PDZRN4: variants seen among roughly 807,000 people sequenced by gnomAD.
The protein encoded by PDZRN4 is PDZ domain containing ring finger 4, also known as PDZ domain-containing RING finger protein 4.
A neutral mutation model predicts 99.0 loss-of-function variants in PDZRN4; 70 were observed. That is an observed-to-expected ratio of 0.71 (90% CI 0.58 to 0.86). PDZRN4 has a LOEUF of 0.86. Ranked by LOEUF, PDZRN4 falls within the 40% of genes least tolerant of loss-of-function variation. The pLI is 0.00. For synonymous variants in PDZRN4, 551 were observed against 501.6 expected, an observed-to-expected ratio of 1.10 and a Z score of -1.32; for missense variants, 1,474 against 1,331.2, an observed-to-expected ratio of 1.11 and a Z score of -1.67.
intron 3 of PDZRN4, among the ~76,000 whole-genome samples, chr12:41,453,639 T>G (rs1401721286): frequency 2.0e-5 from 3 of 152,208 alleles, no homozygotes; most frequent in Non-Finnish European, 4.4e-5. Context: ...GTCCTGTGAC[T>G]AGTGGCTTCA....
chr12:41,443,229 A>G (rs1334710527), intron 3 of PDZRN4, among the ~76,000 whole-genome samples: 1 of 152,092 alleles, frequency 6.6e-6, no homozygotes, highest in Non-Finnish European at 1.5e-5. Context: ...CAACAGAGAT[A>G]TTGACAGACA....
intron 3 of PDZRN4, among the ~76,000 whole-genome samples, chr12:41,495,289 C>T (rs567234018): frequency 1.3e-5 from 2 of 152,200 alleles, no homozygotes; most frequent in South Asian, 2.1e-4. Flanking sequence ...AAAATAACCT[C>T]TGAAAATGTA....
At chr12:41,289,511 A>G (rs1475536414) in intron 3 of PDZRN4, among the ~76,000 whole-genome samples, 1 of 152,196 alleles carries the variant, frequency 6.6e-6, no homozygotes, top group Non-Finnish European at 1.5e-5. Context: ...AGGGACTATT[A>G]GCAGCAGCAC....
chr12:41,207,462 G>A (rs185856966), intron 3 of PDZRN4, among the ~76,000 whole-genome samples: 1 of 151,524 alleles, frequency 6.6e-6, no homozygotes, highest in African/African-American at 2.4e-5. Context: ...ATTATTCTAG[G>A]CATATTTATA....
Position 41,572,461 on chromosome 12 carries a change from G to A in PDZRN4, c.1682G>A (p.Ser561Asn), listed in dbSNP as rs1281410045. 2 of 1,614,160 alleles carry A rather than the reference G, an allele frequency of 1.2e-6. No individual in the cohort carries two copies. The highest frequency in any genetic ancestry group is 1.7e-6 in the Non-Finnish European group (2 of 1,180,014). The change falls in exon 10 of 10, where the codon AGC (serine) becomes AAC (asparagine). Residue 561 changes from serine (S) to asparagine (N), a missense_variant. Ser to Asn is a conservative substitution (Grantham distance 46). Coordinates refer to ENST00000402685, the MANE Select transcript of PDZRN4 (RefSeq NM_001164595.2). ...AGTGGAGTAGGACGTACAGATGAAA[G>A]CTTGCGAAATGATGAGAGCTCAGAG... is the stretch of plus-strand genomic sequence containing the variant. ...KDSGVGRTDE[S>N]LRNDESSEQE...
intron 3 of PDZRN4, among the ~76,000 whole-genome samples, chr12:41,282,497 G>A (rs1368894722): frequency 6.6e-6 from 1 of 152,098 alleles, no homozygotes; most frequent in African/African-American, 2.4e-5. Context: ...TTCGGGAGTT[G>A]AACTCAGCTC....
intron 3 of PDZRN4, among the ~76,000 whole-genome samples, chr12:41,435,646 G>C (rs1952622897): frequency 6.6e-6 from 1 of 152,082 alleles, no homozygotes; most frequent in African/African-American, 2.4e-5. Flanking sequence ...AAATTAGCCA[G>C]GCATGGTGGC....
rs11609927 is a variant in PDZRN4, at chr12:41,225,767, G to T, written c.843+31579G>T. 1.1e-3 allele frequency among the ~76,000 whole-genome samples: 175 copies of T among 152,232 alleles called. 1 individual carries two copies. Among genetic ancestry groups the T allele is most frequent in the Non-Finnish European group, 2.2e-3 (150 of 68,008 alleles). On this transcript the variant is annotated intron_variant, in intron 3 of 9. Coordinates refer to ENST00000402685, the MANE Select transcript of PDZRN4 (RefSeq NM_001164595.2). The stretch of plus-strand genomic sequence containing the variant: ...GCCCAAGCCATTTCTGTCGTCAATT[G>T]TGTCATATCCATTGTCTCAGCTTGT...
chr12:41,529,977 C>G (rs533465705), intron 5 of PDZRN4, among the ~76,000 whole-genome samples: 17 of 152,332 alleles, frequency 1.1e-4, no homozygotes, highest in African/African-American at 3.8e-4. Context: ...CCAACAATTA[C>G]CTCAAGGAGA....
rs547024943 is a variant in PDZRN4 at position 41,254,831 on chromosome 12, C to A, written c.843+60643C>A. ...CTCTGGCCAGGCACAGTAGCTCATG[C>A]CTGTAATTCCAACATTTTGGGAAGC... On this transcript the variant is annotated intron_variant, in intron 3 of 9. Transcript: ENST00000402685. Among the ~76,000 whole-genome samples the A allele has an allele frequency of 1.2e-4, 18 of 152,268 alleles. 1 individual carries two copies. In the South Asian group the frequency reaches 3.5e-3, roughly 30 times the overall value.
chr12:41,329,989 T>C (rs1358849081), intron 3 of PDZRN4, among the ~76,000 whole-genome samples: 1 of 152,146 alleles, frequency 6.6e-6, no homozygotes, highest in Non-Finnish European at 1.5e-5. Flanking sequence ...TTTTGATTAG[T>C]CTGAGAATTA....
intron 3 of PDZRN4, among the ~76,000 whole-genome samples, chr12:41,248,756 T>A (rs1446425871): frequency 6.6e-6 from 1 of 152,164 alleles, no homozygotes; most frequent in African/African-American, 2.4e-5. Flanking sequence ...AAATAAATTT[T>A]AAAATAAATA....
intron 3 of PDZRN4, chr12:41,411,608 A>G (rs1405556836): frequency 6.6e-6 from 1 of 152,172 alleles, no homozygotes; most frequent in Non-Finnish European, 1.5e-5. Context: ...ACGCCAGAGA[A>G]CTTGGAGGAT....
intron 3 of PDZRN4, among the ~76,000 whole-genome samples, chr12:41,248,073 C>T (rs1486509463): frequency 6.6e-6 from 1 of 152,176 alleles, no homozygotes; most frequent in Non-Finnish European, 1.5e-5. Flanking sequence ...GTTGCAGGTT[C>T]ACTTCACCAC....
intron 5 of PDZRN4, among the ~76,000 whole-genome samples, chr12:41,540,947 C>T (rs538823345): frequency 1.3e-5 from 2 of 150,154 alleles, no homozygotes; most frequent in African/African-American, 4.9e-5. Flanking sequence ...GTTTCGGAGA[C>T]GGAGTCTCAC....
intron 5 of PDZRN4, among the ~76,000 whole-genome samples, chr12:41,522,151 G>A (rs982190119): frequency 1.3e-5 from 2 of 152,252 alleles, no homozygotes; most frequent in Admixed American, 6.5e-5. Flanking sequence ...GAGCATGTGA[G>A]CAATGCAGTT....
chr12:41,436,670 T>G (rs1160108416), intron 3 of PDZRN4, among the ~76,000 whole-genome samples: 3 of 152,206 alleles, frequency 2.0e-5, no homozygotes, highest in Non-Finnish European at 4.4e-5. Flanking sequence ...ATTATCTGCT[T>G]TAGCTGTTTG....
At chr12:41,478,811 A>G (rs1375121527) in intron 3 of PDZRN4, among the ~76,000 whole-genome samples, 2 of 152,124 alleles carry the variant, frequency 1.3e-5, no homozygotes, top group African/African-American at 4.8e-5. Context: ...ATATCCAGGG[A>G]GTTCTCCTAG....
chr12:41,322,703 A>C (rs1474089853), intron 3 of PDZRN4, among the ~76,000 whole-genome samples: 1 of 151,740 alleles, frequency 6.6e-6, no homozygotes, highest in African/African-American at 2.4e-5. Context: ...TCACCATGTT[A>C]GCCAGGATGG....
Sources: gnomAD v4.1 joint callset for allele counts (sites outside exome capture counted in the v4.1 genomes callset) on GRCh38, gnomAD v4.1.1 for gene constraint, MANE v1.5 for transcripts, NCBI Gene and HGNC (gene_info 2026-07-23, HGNC 2026-07-21) for gene names.